CABP5: variants seen among roughly 807,000 people sequenced by gnomAD.
CABP5 encodes calcium binding protein 5.
CABP5 carries 17 observed loss-of-function variants against 21.9 expected under a neutral mutation model. The ratio of observed to expected loss-of-function variants is 0.78; its 90% confidence interval spans 0.53 to 1.17. The LOEUF is 1.17. Among genes scored for constraint, CABP5 ranks in the 50% most tolerant of loss-of-function variants. CABP5 has a pLI of 0.00. For missense variants in CABP5, 229 were observed against 228.9 expected, an observed-to-expected ratio of 1.00 and a Z score of 0.00; for synonymous variants, 85 against 79.4, an observed-to-expected ratio of 1.07 and a Z score of -0.37.
In CABP5 at chr19:48,030,413, C is replaced by A. The variant is rs1306431421; in HGVS notation, c.*144G>T. On this transcript the variant is annotated 3_prime_UTR_variant, in exon 6 of 6. Coordinates refer to ENST00000293255, the MANE Select transcript of CABP5 (RefSeq NM_019855.5). ...ATACCGCTCTGGGTCTCACCCCATG[C>A]ACAGCGCCGCATGCCAATGCCCTCC... 6 of 734,142 alleles carry A rather than the reference C, an allele frequency of 8.2e-6. No homozygotes were observed. Among genetic ancestry groups the A allele is most frequent in the Non-Finnish European group, 1.4e-5 (6 of 439,998 alleles). 45.5% of individuals were successfully genotyped at this position (734,142 alleles called of 1,614,324 possible).
intron 3 of CABP5, 40 bp from the exon 4 acceptor site, chr19:48,039,357 C>T (rs377627690): frequency 6.6e-7 from 1 of 1,506,552 alleles, no homozygotes; most frequent in Non-Finnish European, 9.2e-7. Flanking sequence ...CCCCACAAGC[C>T]CTGGCCTTCC....
Position 48,034,352 on chromosome 19 carries a change from T to C in CABP5, c.359A>G (p.Asn120Ser). 6.4e-7 allele frequency: 1 copy of C among 1,565,660 alleles called. No individual in the cohort carries two copies. Among genetic ancestry groups the C allele is most frequent in the Non-Finnish European group, 8.6e-7 (1 of 1,157,422 alleles). ...MRDAFKEFDT[N>S]GDGEITLVEL... ...CACCAGGGTGATCTCCCCATCTCCA[T>C]TCGTGTCAAACTGAATAGAAGCAGA... The change falls in exon 5 of 6, where the codon AAT becomes AGT. Residue 120 changes from asparagine (N) to serine (S), a missense_variant. Coordinates refer to ENST00000293255, the MANE Select transcript of CABP5 (RefSeq NM_019855.5).
chr19:48,034,840 C>T (rs1967388695), intron 4 of CABP5, among the ~76,000 whole-genome samples: 1 of 151,930 alleles, frequency 6.6e-6, no homozygotes, highest in African/African-American at 2.4e-5. Flanking sequence ...GCCACTGTGC[C>T]CGGCCGAAAC....
intron 4 of CABP5, among the ~76,000 whole-genome samples, chr19:48,037,776 A>G (rs1489546500): frequency 1.3e-5 from 2 of 152,168 alleles, no homozygotes; most frequent in Admixed American, 6.5e-5. Context: ...AGTTCTTAGT[A>G]GGTGCTTAGC....
In CABP5 at chr19:48,040,683, C is replaced by T; in HGVS notation, c.160G>A (p.Gly54Arg). The T allele has an allele frequency of 6.2e-7, 1 of 1,614,018 alleles. No homozygotes were observed. Residue 54 changes from glycine to arginine, a missense_variant, in exon 3 of 6, where the codon GGG becomes AGG. Physicochemically the swap from Gly to Arg is moderately radical, Grantham distance 125. Coordinates refer to ENST00000293255, the MANE Select transcript of CABP5 (RefSeq NM_019855.5). ...RDGFISCKDL[G>R]NLMRTMGYMP... Reference sequence around the variant, plus strand: ...TAACCCATCGTCCTCATGAGATTCCCCAGATCCTTACAAGAGATGAACCCA... The same window carrying T: ...TAACCCATCGTCCTCATGAGATTCCTCAGATCCTTACAAGAGATGAACCCA...
chr19:48,044,066 T>G lies in CABP5; in HGVS notation c.-144A>C. ...CTCTTGGCTTCTCCTTCGGTCCCGG[T>G]GTCTTAGAGCTGTGACAGCTGGGCT... is the stretch of plus-strand genomic sequence containing the variant. On this transcript the variant is annotated 5_prime_UTR_variant, in exon 1 of 6. Transcript: ENST00000293255. 1 of 644,204 alleles carries G rather than the reference T, an allele frequency of 1.6e-6. No homozygotes were observed. The highest frequency in any genetic ancestry group is 2.5e-6 in the Non-Finnish European group (1 of 396,542). The allele number at this position is 644,204 out of a possible 1,614,324, so 39.9% of individuals were successfully genotyped here.
In CABP5 at chr19:48,033,365, A is replaced by G. The variant is rs573185424; in HGVS notation, c.496+850T>C. Reference sequence around the variant, plus strand: ...CACGTCTCATCCATGTAGAACCCCAATCCTTTTCACTTATTCAGTGATCCA... The same window carrying G: ...CACGTCTCATCCATGTAGAACCCCAGTCCTTTTCACTTATTCAGTGATCCA... On this transcript the variant is annotated intron_variant, in intron 5 of 5. Coordinates refer to ENST00000293255, the MANE Select transcript of CABP5 (RefSeq NM_019855.5). Among the ~76,000 whole-genome samples, 7 of 152,232 alleles carry G rather than the reference A, an allele frequency of 4.6e-5. No homozygotes were observed. In the South Asian group the frequency reaches 1.5e-3, roughly 32 times the overall value.
At chr19:48,041,908 C>T (rs547812934) in intron 1 of CABP5, among the ~76,000 whole-genome samples, 2 of 152,240 alleles carry the variant, frequency 1.3e-5, no homozygotes, top group African/African-American at 4.8e-5. Flanking sequence ...AGTCCAATCT[C>T]CAGATGAAAA....
chr19:48,032,124 T>C (rs192123687), intron 5 of CABP5, among the ~76,000 whole-genome samples: 2 of 152,064 alleles, frequency 1.3e-5, no homozygotes, highest in Admixed American at 1.3e-4. Flanking sequence ...GTTGCCTTGA[T>C]GTGAGTTCCT....
chr19:48,037,977 C>T (rs367976017), intron 4 of CABP5, among the ~76,000 whole-genome samples: 18 of 152,262 alleles, frequency 1.2e-4, no homozygotes, highest in South Asian at 1.0e-3. Context: ...TGCAATGGTG[C>T]GATCTCAGCT....
intron 5 of CABP5, among the ~76,000 whole-genome samples, chr19:48,033,068 C>T (rs1335647902): frequency 7.0e-6 from 1 of 143,298 alleles, no homozygotes; most frequent in Non-Finnish European, 1.5e-5. Flanking sequence ...ATGGCGCGAT[C>T]TCAGCTCACT....
Position 48,033,111 on chromosome 19 carries a change from C to T in CABP5, c.496+1104G>A, listed in dbSNP as rs544025704. 2.6e-5 allele frequency among the ~76,000 whole-genome samples: 4 copies of T among 151,700 alleles called. No homozygotes were observed. The South Asian group carries it at 8.3e-4, about 32-fold the overall frequency. ...CCGCCCCCAGCGTTCTAGCAATTCT[C>T]CTGTCTCAGCCTCCCAAGTAGCTGG... On this transcript the variant is annotated intron_variant, in intron 5 of 5. Transcript: ENST00000293255.
Position 48,029,794 on chromosome 19 carries a change from CAGACAGAGAGAG to C in CABP5, c.*751_*762del, listed in dbSNP as rs1286313588. 3.7e-3 allele frequency among the ~76,000 whole-genome samples: 315 copies of C among 85,466 alleles called. 5 individuals are homozygous for C. The highest frequency in any genetic ancestry group is 0.012 in the African/African-American group (301 of 24,980). 56.1% of individuals were successfully genotyped at this position (85,466 alleles called of 152,430 possible). A position where few individuals can be genotyped will look rare whatever the true frequency, so the allele number is the denominator to read the frequency against. On this transcript the variant is annotated 3_prime_UTR_variant, in exon 6 of 6. Transcript: ENST00000293255. ...ATGTGGGAGGGGAGACAGAGACAGA[CAGACAGAGAGAG>C]AGAGAGAGAGAGAGAGAGAGAGAGA...
chr19:48,039,027 T>C (rs1313836183), intron 4 of CABP5, among the ~76,000 whole-genome samples, 181 bp downstream of exon 4: 1 of 152,132 alleles, frequency 6.6e-6, no homozygotes, highest in Non-Finnish European at 1.5e-5. Flanking sequence ...ACAGAGGCAT[T>C]GATCCATTGC....
chr19:48,035,512 G>A (rs746454654), intron 4 of CABP5, among the ~76,000 whole-genome samples: 8 of 152,208 alleles, frequency 5.3e-5, no homozygotes, highest in Admixed American at 1.3e-4. Flanking sequence ...CAGGAGAATC[G>A]CTTGAACCTG....
rs1333334067 is a variant in CABP5 at position 48,039,302 on chromosome 19, T to A, written c.254A>T (p.Asp85Val). Residue 85 changes from aspartate to valine, a missense_variant, in exon 4 of 6, where the codon GAC becomes GTC. Asp to Val is a radical substitution (Grantham distance 152, BLOSUM62 -3). Coordinates refer to ENST00000293255, the MANE Select transcript of CABP5 (RefSeq NM_019855.5). ...QIRMNLGGRV[D>V]FDDFVELMTP... Reference sequence around the variant, plus strand: ...CATCAGCTCCACAAAGTCATCAAAGTCTACACGGCCACCCACTGAGGAAGA... The same window carrying A: ...CATCAGCTCCACAAAGTCATCAAAGACTACACGGCCACCCACTGAGGAAGA... The A allele has an allele frequency of 6.2e-7, 1 of 1,613,896 alleles. No individual in the cohort carries two copies. The highest frequency in any genetic ancestry group is 8.5e-7 in the Non-Finnish European group (1 of 1,179,952).
At chr19:48,035,739 G>T (rs1459581496) in intron 4 of CABP5, among the ~76,000 whole-genome samples, 1 of 152,262 alleles carries the variant, frequency 6.6e-6, no homozygotes, top group African/African-American at 2.4e-5. Flanking sequence ...CAGAAGTGGG[G>T]AGTGTTTAGG....
intron 5 of CABP5, among the ~76,000 whole-genome samples, chr19:48,031,280 C>T (rs1967336457): frequency 6.6e-6 from 1 of 152,172 alleles, no homozygotes; most frequent in South Asian, 2.1e-4. Flanking sequence ...TGGCTCATAA[C>T]TGTAATCCCA....
chr19:48,040,735 T>C lies in CABP5; in HGVS notation c.108A>G (p.Ala36=), dbSNP rs1967470414. The C allele has an allele frequency of 1.2e-6, 2 of 1,614,014 alleles. No homozygotes were observed. The highest frequency in any genetic ancestry group is 1.7e-6 in the Non-Finnish European group (2 of 1,179,952). Residue 36 remains alanine, a synonymous_variant, in exon 3 of 6, where the codon GCA becomes GCG. Transcript: ENST00000293255. ...CTCGGTCCTTATCGAACTCAAGAAATGCTTCCCGCAGCTCTGAAAGTTAAG... is the reference window on the plus strand; with the variant it reads ...CTCGGTCCTTATCGAACTCAAGAAACGCTTCCCGCAGCTCTGAAAGTTAAG... ...GQDEIEELRE[A]FLEFDKDRDG...
Sources: allele counts gnomAD v4.1 joint callset (sites outside exome capture counted in the v4.1 genomes callset), GRCh38; gene constraint gnomAD v4.1.1; transcripts MANE v1.5; gene names NCBI Gene and HGNC (gene_info 2026-07-23, HGNC 2026-07-21).